SLC22A23: variants seen among roughly 807,000 people sequenced by gnomAD.
SLC22A23 encodes ion transporter protein.
A neutral mutation model predicts 61.0 loss-of-function variants in SLC22A23; 26 were observed. The observed-to-expected ratio is 0.43, with a 90% confidence interval of 0.31 to 0.59. The LOEUF is 0.59. Ranked by LOEUF, SLC22A23 falls within the 20% of genes least tolerant of loss-of-function variation. The pLI, the probability that SLC22A23 is intolerant of heterozygous loss-of-function variation, is 0.11. For synonymous variants in SLC22A23, 430 were observed against 413.9 expected (o/e 1.04, Z -0.47); for missense variants, 796 against 934.7 (o/e 0.85, Z 1.94).
intron 1 of SLC22A23, among the ~76,000 whole-genome samples, chr6:3,430,776 A>G: frequency 6.6e-6 from 1 of 152,184 alleles, no homozygotes; most frequent in East Asian, 1.9e-4. Flanking sequence ...GTTAGAAAAC[A>G]CAGCATATGG....
chr6:3,439,294 T>C (rs1340728759), intron 1 of SLC22A23: 1 of 449,052 alleles, frequency 2.2e-6, no homozygotes, highest in African/African-American at 2.0e-5. Context: ...AGCAAAATCA[T>C]ACCCCGTGGA....
chr6:3,366,062 G>T lies in SLC22A23; in HGVS notation c.914-42060C>A, dbSNP rs568176919. ...AGAGAAGGGTATGGCTGGGCGCGGT[G>T]GCTCACGCCTGTAATCCCAGCACTT... is the stretch of plus-strand genomic sequence containing the variant. On this transcript the variant is annotated intron_variant, in intron 3 of 9. Transcript: ENST00000406686. Among the ~76,000 whole-genome samples, 6 of 152,204 alleles carry T rather than the reference G, an allele frequency of 3.9e-5. No individual in the cohort carries two copies. In the East Asian group the frequency reaches 1.2e-3, roughly 29 times the overall value.
chr6:3,336,257 G>A (rs1429613237), intron 3 of SLC22A23, among the ~76,000 whole-genome samples: 3 of 152,134 alleles, frequency 2.0e-5, no homozygotes, highest in Non-Finnish European at 4.4e-5. Context: ...TCATCCACTT[G>A]GGTGGCGGGA....
At chr6:3,452,001 G>A (rs550730968) in intron 1 of SLC22A23, among the ~76,000 whole-genome samples, 6 of 152,032 alleles carry the variant, frequency 3.9e-5, no homozygotes, top group African/African-American at 7.3e-5. Flanking sequence ...ACAGTATTCC[G>A]TAAGTCACAC....
rs1581700849 is a variant in SLC22A23 at position 3,330,257 on chromosome 6, C to T, written c.914-6255G>A. Reference sequence around the variant, plus strand: ...AAGGAAGGAGGTGCAGTTTTCTCAACAGAGACTGGAGGGCTGGCCATGCTG... The same window carrying T: ...AAGGAAGGAGGTGCAGTTTTCTCAATAGAGACTGGAGGGCTGGCCATGCTG... On this transcript the variant is annotated intron_variant, in intron 3 of 9. Coordinates refer to ENST00000406686, the MANE Select transcript of SLC22A23 (RefSeq NM_015482.2). The surrounding 1 kb of genome is among the most constrained non-coding windows in gnomAD (Gnocchi z 4.7). 6.6e-6 allele frequency among the ~76,000 whole-genome samples: 1 copy of T among 152,216 alleles called. No individual in the cohort carries two copies. The highest frequency in any genetic ancestry group is 2.4e-5 in the African/African-American group (1 of 41,468).
chr6:3,315,885 G>GAA (rs1561892438), intron 4 of SLC22A23, among the ~76,000 whole-genome samples: 5 of 151,924 alleles, frequency 3.3e-5, no homozygotes, highest in East Asian at 3.9e-4. Context: ...GAAAAGAAAA[G>GAA]AAAAGAAAAG....
At chr6:3,433,481 G>C (rs1581882687) in intron 1 of SLC22A23, among the ~76,000 whole-genome samples, 1 of 149,312 alleles carries the variant, frequency 6.7e-6, no homozygotes, top group South Asian at 2.1e-4. Context: ...AAGAAAAAGA[G>C]GAAACTTGCC....
chr6:3,367,227 G>C (rs1765893039), intron 3 of SLC22A23, among the ~76,000 whole-genome samples: 1 of 152,308 alleles, frequency 6.6e-6, no homozygotes, highest in African/African-American at 2.4e-5. Flanking sequence ...GCCCAGAGAA[G>C]GTCAAAGTAC....
chr6:3,368,678 AC>A, intron 3 of SLC22A23, among the ~76,000 whole-genome samples: 1 of 152,214 alleles, frequency 6.6e-6, no homozygotes, highest in Non-Finnish European at 1.5e-5. Flanking sequence ...GCACACACAC[AC>A]ACAAATCCAA....
At position 3,414,604 on chromosome 6, in the gene SLC22A23, C is replaced by T. The variant is rs779654201; in HGVS notation, c.758+1148G>A. ...GACCCTCTGCTGCTGTCCGCCCAGG[C>T]ACTTGCCTTGGCCAGCATTCTCAGT... On this transcript the variant is annotated intron_variant, in intron 2 of 9. Coordinates refer to ENST00000406686, the MANE Select transcript of SLC22A23 (RefSeq NM_015482.2). This position sits in a 1 kb window ranked among gnomAD's most constrained non-coding sequence, Gnocchi z 5.1. Among the ~76,000 whole-genome samples the T allele has an allele frequency of 6.6e-6, 1 of 151,688 alleles. No homozygotes were observed. Among genetic ancestry groups the T allele is most frequent in the East Asian group, 1.9e-4 (1 of 5,174 alleles).
chr6:3,366,332 C>CAAAAAAAAAAAAAAAA (rs11387672), intron 3 of SLC22A23, among the ~76,000 whole-genome samples: 13 of 74,152 alleles, frequency 1.8e-4, no homozygotes, highest in Non-Finnish European at 2.3e-4. Flanking sequence ...GACTCTGTCT[C>CAAAAAAAAAAAAAAAA]AAAAAAAAAA....
intron 3 of SLC22A23, among the ~76,000 whole-genome samples, chr6:3,336,936 A>G (rs778137412): frequency 6.6e-6 from 1 of 151,240 alleles, no homozygotes; most frequent in South Asian, 2.1e-4. Context: ...CAGCGTCCCT[A>G]TAGCTGAGAC....
chr6:3,388,030 G>T (rs557592740), intron 3 of SLC22A23, among the ~76,000 whole-genome samples: 1 of 152,148 alleles, frequency 6.6e-6, no homozygotes, highest in African/African-American at 2.4e-5. Context: ...AATTAAAACC[G>T]GATGCAGGCT....
At chr6:3,434,481 C>T (rs993603927) in intron 1 of SLC22A23, among the ~76,000 whole-genome samples, 35 of 150,984 alleles carry the variant, frequency 2.3e-4, no homozygotes, top group African/African-American at 7.6e-4. Context: ...TGGTGGTACC[C>T]GCCTGTAGTC....
chr6:3,337,688 C>T (rs943658409), intron 3 of SLC22A23, among the ~76,000 whole-genome samples: 1 of 152,144 alleles, frequency 6.6e-6, no homozygotes, highest in Admixed American at 6.5e-5. Flanking sequence ...GCAAGGACAG[C>T]CTGGTGTGGC....
At chr6:3,436,869 G>T (rs951317649) in intron 1 of SLC22A23, among the ~76,000 whole-genome samples, 2 of 152,208 alleles carry the variant, frequency 1.3e-5, no homozygotes, top group African/African-American at 4.8e-5. Context: ...CACTGTGTTT[G>T]CTATATAGAT....
intron 3 of SLC22A23, among the ~76,000 whole-genome samples, chr6:3,326,156 C>T (rs1763269067): frequency 6.6e-6 from 1 of 152,226 alleles, no homozygotes; most frequent in Non-Finnish European, 1.5e-5. Context: ...CTGGACCAGT[C>T]TGGCTTCAGT....
chr6:3,340,435 G>A (rs6925949), intron 3 of SLC22A23, among the ~76,000 whole-genome samples: 37,034 of 152,050 alleles, frequency 0.24, 5,861 homozygotes, highest in African/African-American at 0.44. Flanking sequence ...ATACGTAACC[G>A]CAGCAGAGTC....
At chr6:3,368,475 G>A (rs1350459700) in intron 3 of SLC22A23, among the ~76,000 whole-genome samples, 1 of 152,160 alleles carries the variant, frequency 6.6e-6, no homozygotes, top group Non-Finnish European at 1.5e-5. Context: ...ATTCTGGAAG[G>A]GGGTCTCTGA....
Sources: gnomAD v4.1 joint callset for allele counts (sites outside exome capture counted in the v4.1 genomes callset) on GRCh38, gnomAD v4.1.1 for gene constraint, Gnocchi (gnomAD v3.1) non-coding constraint, MANE v1.5 for transcripts, NCBI Gene and HGNC (gene_info 2026-07-23, HGNC 2026-07-21) for gene names.